Variants in SPEG observed in about 807,000 individuals in gnomAD.
The protein encoded by SPEG is striated muscle enriched protein kinase, also known as striated muscle preferentially expressed protein kinase.
A neutral mutation model predicts 300.4 loss-of-function variants in SPEG; 114 were observed. The ratio of observed to expected loss-of-function variants is 0.38; its 90% CI spans 0.33 to 0.44. The LOEUF is 0.44. Among genes scored for constraint, SPEG ranks in the 20% least tolerant of loss-of-function variants. SPEG has a pLI of 1.00. For missense variants in SPEG, 4,201 were observed against 4,586.2 expected, an observed-to-expected ratio of 0.92 and a Z score of 2.43; for synonymous variants, 1,964 against 2,018.9, an observed-to-expected ratio of 0.97 and a Z score of 0.73.
At position 219,448,116 on chromosome 2, in the gene SPEG, T is replaced by C. The variant is rs759789143; in HGVS notation, c.958T>C (p.Ser320Pro). The C allele has an allele frequency of 1.2e-6, 2 of 1,601,662 alleles. No homozygotes were observed. Among genetic ancestry groups the C allele is most frequent in the Non-Finnish European group, 1.7e-6 (2 of 1,174,502 alleles). The change falls in exon 4 of 41, where the codon TCC (serine) becomes CCC (proline). Residue 320 changes from serine to proline, a missense_variant. Ser to Pro is a moderately conservative substitution (Grantham distance 74, BLOSUM62 -1). This residue lies in a region of SPEG where 1,258 missense variants were observed against 1,293.9 expected (regional missense o/e 0.97). Transcript: ENST00000312358. ...PPPSPRVGKR[S>P]PPGPPAQPAA... ...ACCGTCCCCTCGGGTCGGGAAGCGGTCCCCGCCGGGACCCCCGGCCCAGCC... is the reference window on the plus strand; with the variant it reads ...ACCGTCCCCTCGGGTCGGGAAGCGGCCCCCGCCGGGACCCCCGGCCCAGCC...
At position 219,484,884 on chromosome 2, in the gene SPEG, G is replaced by C. The variant is rs1693238312; in HGVS notation, c.7421G>C (p.Ser2474Thr). The change falls in exon 30 of 41, where the codon AGC becomes ACC. Residue 2474 changes from serine to threonine, a missense_variant. By Grantham distance (58) the Ser-to-Thr change is moderately conservative. Transcript: ENST00000312358. The stretch of plus-strand genomic sequence containing the variant: ...AGCCGATTGCAGCGCAGTGGCAGCA[G>C]CGAGGACTCGGGGGGCGCGTCGGGC... ...LSSRLQRSGS[S>T]EDSGGASGRS... The C allele has an allele frequency of 6.6e-7, 1 of 1,525,554 alleles. No homozygotes were observed. The highest frequency in any genetic ancestry group is 8.7e-7 in the Non-Finnish European group (1 of 1,143,754). The allele number at this position is 1,525,554 out of a possible 1,614,324, so 94.5% of individuals were successfully genotyped here.
rs1415278516 is a variant in SPEG, at chr2:219,459,259, T to C, written c.2441-2623T>C. Among the ~76,000 whole-genome samples, 1 of 152,214 alleles carries C rather than the reference T, an allele frequency of 6.6e-6. No homozygotes were observed. The highest frequency in any genetic ancestry group is 1.5e-5 in the Non-Finnish European group (1 of 68,036). ...AGGGGGGCACCTGCCCCCTCCTTCC[T>C]GGCTGGTGTAACTGTGTTTGCCACA... is the stretch of plus-strand genomic sequence containing the variant. On this transcript the variant is annotated intron_variant, in intron 6 of 40. Coordinates refer to ENST00000312358, the MANE Select transcript of SPEG (RefSeq NM_005876.5). The surrounding 1 kb of genome is among the most constrained non-coding windows in gnomAD (Gnocchi z 4.9).
At chr2:219,442,442 G>T (rs965063512) in intron 1 of SPEG, among the ~76,000 whole-genome samples, 1 of 39,178 alleles carries the variant, frequency 2.6e-5, no homozygotes, top group Non-Finnish European at 5.4e-5. Flanking sequence ...CCGGCCCCCC[G>T]CCCGGCCTGC....
At chr2:219,441,368 T>C (rs1688904464) in intron 1 of SPEG, 1 of 366,776 alleles carries the variant, frequency 2.7e-6, no homozygotes, top group Admixed American at 3.3e-5. Flanking sequence ...GATAAAGCCC[T>C]CTCTGGCTTT....
At position 219,451,152 on chromosome 2, in the gene SPEG, C is replaced by T; in HGVS notation, c.2130C>T (p.Ser710=). Residue 710 remains serine, a synonymous_variant, in exon 5 of 41, where the codon TCC becomes TCT. Transcript: ENST00000312358. This position sits in a 1 kb window ranked among gnomAD's most constrained non-coding sequence, Gnocchi z 6.4. The stretch of plus-strand genomic sequence containing the variant: ...GTCCGGCAGAGTCTTCGGATGACTC[C>T]TACGTGTCCGCTGGAGAAGAGCCCC... ...TSPELESSDD[S]YVSAGEEPLE... 2 of 1,613,130 alleles carry T rather than the reference C, an allele frequency of 1.2e-6. No individual in the cohort carries two copies. The highest frequency in any genetic ancestry group is 1.1e-5 in the South Asian group (1 of 90,982).
At position 219,491,984 on chromosome 2, in the gene SPEG, C is replaced by T. The variant is rs181364856; in HGVS notation, c.9461+115C>T. ...CACCTCCCCTGTACACACATCCACA[C>T]TGCACACTCACACTCAGGTGCACAG... On this transcript the variant is annotated intron_variant, in intron 39 of 40. Coordinates refer to ENST00000312358, the MANE Select transcript of SPEG (RefSeq NM_005876.5). 7 of 1,346,452 alleles carry T rather than the reference C, an allele frequency of 5.2e-6. No homozygotes were observed. In the African/African-American group the frequency reaches 7.2e-5, roughly 14 times the overall value. The allele number at this position is 1,346,452 out of a possible 1,614,324, so 83.4% of individuals were successfully genotyped here.
At position 219,479,840 on chromosome 2, in the gene SPEG, G is replaced by A. The variant is rs371881372; in HGVS notation, c.5143G>A (p.Val1715Met). Reference sequence around the variant, plus strand: ...AATACACTACCTGCACCAGAGCCACGTGCTGCACCTCGATGTCAAGGTGAG... The same window carrying A: ...AATACACTACCTGCACCAGAGCCACATGCTGCACCTCGATGTCAAGGTGAG... ...EGIHYLHQSHVLHLDVKPENL... is the reference protein window; with the variant it reads ...EGIHYLHQSHMLHLDVKPENL... The change falls in exon 24 of 41, where the codon GTG becomes ATG. Residue 1715 changes from valine (V) to methionine (M), a missense_variant. This residue lies in a region of SPEG where 1,047 missense variants were observed against 1,356.8 expected (regional missense o/e 0.77). Coordinates refer to ENST00000312358, the MANE Select transcript of SPEG (RefSeq NM_005876.5). The surrounding 1 kb of genome is among the most constrained non-coding windows in gnomAD (Gnocchi z 5.5). 2.5e-6 allele frequency: 4 copies of A among 1,614,114 alleles called. No individual in the cohort carries two copies. The highest frequency in any genetic ancestry group is 8.5e-7 in the Non-Finnish European group (1 of 1,180,014).
chr2:219,490,274 T>C, intron 36 of SPEG, 135 bp from the exon 37 acceptor site: 1 of 1,283,796 alleles, frequency 7.8e-7, no homozygotes, highest in Non-Finnish European at 1.1e-6. Context: ...GTTTCTAGGA[T>C]TGAACTCTGG....
In SPEG at chr2:219,444,509, T is replaced by G; in HGVS notation, c.389-144T>G. Reference sequence around the variant, plus strand: ...TGAGCAGCCCAGGCTGGGCAGGGGATGTGGGGAGCAAAAGAGAGGAGGTGC... The same window carrying G: ...TGAGCAGCCCAGGCTGGGCAGGGGAGGTGGGGAGCAAAAGAGAGGAGGTGC... On this transcript the variant is annotated intron_variant, in intron 1 of 40. Transcript: ENST00000312358. This position sits in a 1 kb window ranked among gnomAD's most constrained non-coding sequence, Gnocchi z 7.8. The G allele has an allele frequency of 2.9e-6, 2 of 678,362 alleles. No homozygotes were observed. Among genetic ancestry groups the G allele is most frequent in the Non-Finnish European group, 5.2e-6 (2 of 383,356 alleles). 42.0% of individuals were successfully genotyped at this position (678,362 alleles called of 1,614,324 possible).
chr2:219,469,102 C>A (rs1443546920), intron 12 of SPEG, 54 bp downstream of exon 12: 5 of 1,608,952 alleles, frequency 3.1e-6, no homozygotes, highest in Non-Finnish European at 4.2e-6. Context: ...GCCAGCCCAG[C>A]CCTGGGGTGG....
intron 13 of SPEG, among the ~76,000 whole-genome samples, chr2:219,471,212 A>G (rs1691845636): frequency 6.6e-6 from 1 of 152,172 alleles, no homozygotes; most frequent in South Asian, 2.1e-4. Context: ...TATGTCTTGA[A>G]GGACAAGGAA....
rs1171254463 is a variant in SPEG, at chr2:219,477,603, C to G, written c.4730-86C>G. 2 of 1,402,390 alleles carry G rather than the reference C, an allele frequency of 1.4e-6. No homozygotes were observed. Among genetic ancestry groups the G allele is most frequent in the Admixed American group, 2.2e-5 (1 of 45,776 alleles). 86.9% of individuals were successfully genotyped at this position (1,402,390 alleles called of 1,614,324 possible). A position where few individuals can be genotyped will look rare whatever the true frequency, so the allele number is the denominator to read the frequency against. ...CCCCCAACATTCTTGCACCTCTTCT[C>G]TCTTCTTCTTCTGTCCACCTGTCCC... On this transcript the variant is annotated intron_variant, in intron 20 of 40. Coordinates refer to ENST00000312358, the MANE Select transcript of SPEG (RefSeq NM_005876.5). This position sits in a 1 kb window ranked among gnomAD's most constrained non-coding sequence, Gnocchi z 6.4.
intron 18 of SPEG, among the ~76,000 whole-genome samples, chr2:219,475,171 T>C (rs1692228182): frequency 6.6e-6 from 1 of 152,126 alleles, no homozygotes; most frequent in African/African-American, 2.4e-5. Flanking sequence ...ACTGTTTGGT[T>C]TTCTAATTTG....
intron 6 of SPEG, among the ~76,000 whole-genome samples, chr2:219,452,455 G>C (rs1689834099): frequency 6.6e-6 from 1 of 152,156 alleles, no homozygotes; most frequent in Non-Finnish European, 1.5e-5. Context: ...GGTGTACATG[G>C]CCAGTTCAGC....
At chr2:219,471,311 G>C (rs1366432966) in intron 13 of SPEG, among the ~76,000 whole-genome samples, 1 of 152,170 alleles carries the variant, frequency 6.6e-6, no homozygotes, top group Non-Finnish European at 1.5e-5. Flanking sequence ...TCAGGGGCCT[G>C]ATAGTTAGCC....
intron 6 of SPEG, chr2:219,461,102 C>A (rs1469943980): frequency 2.2e-6 from 2 of 895,986 alleles, no homozygotes; most frequent in Non-Finnish European, 2.7e-6. Context: ...CGGATAGGAG[C>A]CAGCTCAGCG....
At chr2:219,450,115 A>G (rs1689633323) in intron 4 of SPEG, among the ~76,000 whole-genome samples, 1 of 152,148 alleles carries the variant, frequency 6.6e-6, no homozygotes. Context: ...ATTTTTCTTC[A>G]TCAAAATTAT....
intron 22 of SPEG, among the ~76,000 whole-genome samples, 170 bp downstream of exon 22, chr2:219,478,275 C>T (rs1307433523): frequency 6.6e-6 from 1 of 152,224 alleles, no homozygotes; most frequent in Admixed American, 6.5e-5. Flanking sequence ...CCATTGTTAG[C>T]TTAAATTTTC....
chr2:219,491,071 C>T, intron 38 of SPEG, 115 bp downstream of exon 38: 1 of 758,810 alleles, frequency 1.3e-6, no homozygotes, highest in Non-Finnish European at 2.2e-6. Flanking sequence ...TTACTGTATT[C>T]AAGCAATGAA....
Sources: gnomAD v4.1 joint callset for allele counts (sites outside exome capture counted in the v4.1 genomes callset) on GRCh38, gnomAD v4.1.1 for gene constraint, gnomAD v4.1.1 regional missense constraint, Gnocchi (gnomAD v3.1) non-coding constraint, MANE v1.5 for transcripts, NCBI Gene and HGNC (gene_info 2026-07-23, HGNC 2026-07-21) for gene names.